The following NFU1 variants were observed in gnomAD, a reference collection of about 807,000 sequenced individuals.
The protein encoded by NFU1 is NFU1 iron-sulfur cluster scaffold homolog, mitochondrial.
NFU1 carries 30 observed loss-of-function variants against 32.2 expected under a neutral mutation model. That is an observed-to-expected ratio of 0.93 (90% confidence interval 0.70 to 1.26). The LOEUF (loss-of-function observed/expected upper bound fraction) is 1.26, where lower values mean the gene tolerates loss of function less well. Ranked by LOEUF, NFU1 falls within the 50% of genes most tolerant of loss-of-function variation. The probability of loss-of-function intolerance (pLI) is 0.00; values close to 1 mark genes in which losing one functional copy is unlikely to be tolerated. For synonymous variants in NFU1, 112 were observed against 104.6 expected (o/e 1.07, Z -0.43); for missense variants, 306 against 306.6 (o/e 1.00, Z 0.02).
At chr2:69,412,473 G>A (rs563789614) in intron 5 of NFU1, among the ~76,000 whole-genome samples, 10 of 149,558 alleles carry the variant, frequency 6.7e-5, no homozygotes, top group African/African-American at 7.3e-5. Flanking sequence ...TGCAACCTCC[G>A]CCTCCCAGAT....
upstream of NFU1, chr2:69,437,715 AGCTGGT>A (rs1030040588): frequency 5.6e-6 from 3 of 540,460 alleles, no homozygotes; most frequent in African/African-American, 3.8e-5. Context: ...CTAGGTTTTT[AGCTGGT>A]GCTGGTGCTG....
chr2:69,425,124 C>T (rs905225026), intron 2 of NFU1, among the ~76,000 whole-genome samples: 18 of 151,980 alleles, frequency 1.2e-4, no homozygotes, highest in African/African-American at 2.9e-4. Flanking sequence ...ATGATCTGCC[C>T]GCCTCGGCCT....
Position 69,435,485 on chromosome 2 carries a change from A to C in NFU1, c.62+1876T>G, listed in dbSNP as rs142224842. ...TCGTGGAAAAGAAAGAGTGGGCACC[A>C]ATTAAGTATTAACAAAATACAGATG... On this transcript the variant is annotated intron_variant, in intron 1 of 7. Transcript: ENST00000410022. Among the ~76,000 whole-genome samples, 350 of 152,318 alleles carry C rather than the reference A, an allele frequency of 2.3e-3. 1 individual carries two copies. The highest frequency in any genetic ancestry group is 8.0e-3 in the African/African-American group (333 of 41,558).
intron 5 of NFU1, among the ~76,000 whole-genome samples, chr2:69,408,677 G>A (rs1371695365): frequency 1.3e-5 from 2 of 149,650 alleles, no homozygotes; most frequent in Admixed American, 6.7e-5. Flanking sequence ...CTGAGATCAC[G>A]CCACTGCACT....
rs557197263 is a variant in NFU1, at chr2:69,424,506, TC to T, written c.167-790del. Among the ~76,000 whole-genome samples the T allele has an allele frequency of 1.3e-4, 20 of 152,146 alleles. No homozygotes were observed. In the South Asian group the frequency reaches 3.9e-3, roughly 30 times the overall value. On this transcript the variant is annotated intron_variant, in intron 2 of 7. Coordinates refer to ENST00000410022, the MANE Select transcript of NFU1 (RefSeq NM_001002755.4). Reference sequence around the variant, plus strand: ...GGTCTCACGCTATTGCCCAGACTGGTCCCAAATTCCTGGACTCAAATGATCC... The same window carrying T: ...GGTCTCACGCTATTGCCCAGACTGGTCCAAATTCCTGGACTCAAATGATCC...
At chr2:69,430,785 G>A (rs1039633090) in intron 2 of NFU1, among the ~76,000 whole-genome samples, 1 of 152,226 alleles carries the variant, frequency 6.6e-6, no homozygotes, top group Non-Finnish European at 1.5e-5. Context: ...GCAGGAAAGT[G>A]TTCCTCTTCT....
chr2:69,437,480 G>T (rs771821679), upstream of NFU1: 2 of 1,578,644 alleles, frequency 1.3e-6, no homozygotes. Flanking sequence ...CTGCGCAGCC[G>T]CAGGCTGGCC....
chr2:69,439,457 T>TA (rs1451764106), upstream of NFU1, among the ~76,000 whole-genome samples: 1 of 152,180 alleles, frequency 6.6e-6, no homozygotes, highest in Non-Finnish European at 1.5e-5. Flanking sequence ...CGATGGGTGT[T>TA]ACAGTTCATA....
Position 69,400,492 on chromosome 2 carries a change from C to G in NFU1, c.592G>C (p.Glu198Gln), listed in dbSNP as rs1487909509. The change falls in exon 7 of 8, where the codon GAA becomes CAA. Residue 198 changes from glutamate (E) to glutamine (Q), a missense_variant. By Grantham distance (29) the Glu-to-Gln change is conservative. Transcript: ENST00000410022. ...DGGDVIYKGF[E>Q]DGIVQLKLQG... ...AGTTTCAGCTGTACAATGCCATCTT[C>G]AAAGCCTTTGTAGATTACATCCCCT... is the stretch of plus-strand genomic sequence containing the variant. The G allele has an allele frequency of 6.2e-7, 1 of 1,614,180 alleles. No homozygotes were observed. Among genetic ancestry groups the G allele is most frequent in the Non-Finnish European group, 8.5e-7 (1 of 1,180,024 alleles).
chr2:69,421,561 GCTT>G (rs1409057518), intron 3 of NFU1, among the ~76,000 whole-genome samples: 4 of 92,068 alleles, frequency 4.3e-5, no homozygotes, highest in Non-Finnish European at 6.5e-5. Flanking sequence ...TATCATTTGT[GCTT>G]TTTTTTTTTT....
intron 7 of NFU1, among the ~76,000 whole-genome samples, chr2:69,398,757 G>A (rs1400470654): frequency 6.6e-6 from 1 of 152,150 alleles, no homozygotes; most frequent in Non-Finnish European, 1.5e-5. Context: ...CCTATTAAAT[G>A]TTTCTTTCTG....
At chr2:69,404,612 C>G (rs977046325) in intron 6 of NFU1, among the ~76,000 whole-genome samples, 1 of 66,050 alleles carries the variant, frequency 1.5e-5, no homozygotes, top group Non-Finnish European at 3.1e-5. Flanking sequence ...ACTATCTTAG[C>G]AAATTTTTTT....
chr2:69,427,834 G>C (rs1314363882), intron 2 of NFU1, among the ~76,000 whole-genome samples: 1 of 150,808 alleles, frequency 6.6e-6, no homozygotes, highest in African/African-American at 2.4e-5. Flanking sequence ...TTTTGTAGAG[G>C]TAGGGTTATT....
At chr2:69,423,750 G>C in intron 2 of NFU1, 33 bp from the exon 3 acceptor site, 1 of 1,500,916 alleles carries the variant, frequency 6.7e-7, no homozygotes, top group East Asian at 2.3e-5. Flanking sequence ...TGTTATTCTA[G>C]AAAAAACAGT....
rs1396495424 is a variant in NFU1 at position 69,396,278 on chromosome 2, C to T, written c.733G>A (p.Glu245Lys). 5 of 1,609,932 alleles carry T rather than the reference C, an allele frequency of 3.1e-6. No individual in the cohort carries two copies. In the Admixed American group the frequency reaches 6.7e-5, roughly 22 times the overall value. Reference protein sequence around the residue: ...VEGVEQVMDDESDEKEANSP With the variant: ...VEGVEQVMDDKSDEKEANSP ...GAGTTTGCTTCTTTTTCATCTGATT[C>T]ATCATCCATAACCTAAAACCAAAAA... The change falls in exon 8 of 8, where the codon GAA (glutamate) becomes AAA (lysine). Residue 245 changes from glutamate to lysine, a missense_variant. Coordinates refer to ENST00000410022, the MANE Select transcript of NFU1 (RefSeq NM_001002755.4).
intron 4 of NFU1, 86 bp downstream of exon 4, chr2:69,419,452 G>C (rs1673168953): frequency 5.6e-6 from 4 of 710,630 alleles, no homozygotes; most frequent in Non-Finnish European, 9.9e-6. Context: ...AGAACAGAAA[G>C]AATGGAAATG....
chr2:69,407,850 T>C (rs1339708172), intron 5 of NFU1, among the ~76,000 whole-genome samples: 1 of 151,482 alleles, frequency 6.6e-6, no homozygotes, highest in East Asian at 1.9e-4. Flanking sequence ...CTGTCTCTAC[T>C]AAAAATACAA....
At chr2:69,401,501 C>T (rs1380019745) in intron 6 of NFU1, among the ~76,000 whole-genome samples, 1 of 152,140 alleles carries the variant, frequency 6.6e-6, no homozygotes, top group Non-Finnish European at 1.5e-5. Flanking sequence ...ATTTATTTAT[C>T]CATTCTACTG....
chr2:69,414,074 A>G (rs2104768526), intron 5 of NFU1, among the ~76,000 whole-genome samples: 1 of 152,256 alleles, frequency 6.6e-6, no homozygotes, highest in African/African-American at 2.4e-5. Context: ...AAATAAATAA[A>G]CAAATAAATA....
Sources: gnomAD v4.1 joint callset for allele counts (sites outside exome capture counted in the v4.1 genomes callset) on GRCh38, gnomAD v4.1.1 for gene constraint, MANE v1.5 for transcripts, NCBI Gene and HGNC (gene_info 2026-07-23, HGNC 2026-07-21) for gene names.